The following FCRLB variants were observed in gnomAD, a reference collection of about 807,000 sequenced individuals.
FCRLB encodes the protein Fc receptor-like B.
FCRLB carries 34 observed loss-of-function variants against 33.6 expected under a neutral mutation model. The ratio of observed to expected loss-of-function variants is 1.01; its 90% CI spans 0.77 to 1.35. The LOEUF is 1.35. Ranked by LOEUF, FCRLB falls within the 40% of genes most tolerant of loss-of-function variation. The pLI is 0.00. For synonymous variants in FCRLB, 280 were observed against 255.9 expected, an observed-to-expected ratio of 1.09 and a Z score of -0.90; for missense variants, 560 against 580.2, an observed-to-expected ratio of 0.97 and a Z score of 0.36.
chr1:161,727,077 C>A, intron 7 of FCRLB, 84 bp downstream of exon 7: 1 of 1,350,716 alleles, frequency 7.4e-7, no homozygotes, highest in Non-Finnish European at 9.5e-7. Context: ...TCACCCCCGC[C>A]CCCTGGTTCC....
Position 161,726,191 on chromosome 1 carries a change from A to AC in FCRLB, c.574+105dup. The AC allele has an allele frequency of 6.4e-7, 1 of 1,566,992 alleles. No individual in the cohort carries two copies. The highest frequency in any genetic ancestry group is 8.7e-7 in the Non-Finnish European group (1 of 1,146,782). ...AGGGGCGGAAGTTCAAATAGCTGCCACTTGGAGGGTTTCTCTTAGACTATG... is the reference window on the plus strand; with the variant it reads ...AGGGGCGGAAGTTCAAATAGCTGCCACCTTGGAGGGTTTCTCTTAGACTATG... On this transcript the variant is annotated intron_variant, in intron 6 of 7. Transcript: ENST00000367948. The surrounding 1 kb of genome is among the most constrained non-coding windows in gnomAD (Gnocchi z 5.2).
chr1:161,723,413 C>G, exon 5 of FCRLB: 1 of 1,614,232 alleles, frequency 6.2e-7, no homozygotes, highest in South Asian at 1.1e-5. Flanking sequence ...CTTGGACCAC[C>G]ATCTTCAAAG....
chr1:161,727,988 T>C (rs188645495), exon 8 of FCRLB: 5 of 246,884 alleles, frequency 2.0e-5, no homozygotes, highest in Non-Finnish European at 3.9e-5. Context: ...GGCAGTTTTT[T>C]TGGTATTTAA....
chr1:161,727,078 C>A, intron 7 of FCRLB, 85 bp downstream of exon 7: 1 of 1,352,060 alleles, frequency 7.4e-7, no homozygotes, highest in South Asian at 1.7e-5. Context: ...CACCCCCGCC[C>A]CCTGGTTCCC....
At chr1:161,727,222 G>T in intron 7 of FCRLB, 25 bp from the exon 8 acceptor site, 5 of 1,505,276 alleles carry the variant, frequency 3.3e-6, no homozygotes, top group Non-Finnish European at 4.5e-6. Context: ...CAAGCCGCGC[G>T]TGACTGGGCG....
chr1:161,727,167 A>AC, intron 7 of FCRLB, 80 bp from the exon 8 acceptor site: 2 of 603,002 alleles, frequency 3.3e-6, no homozygotes, highest in Non-Finnish European at 2.2e-6. Context: ...ATCCCCGCCC[A>AC]CCGCCCTACG....
intron 7 of FCRLB, 94 bp from the exon 8 acceptor site, chr1:161,727,153 C>T: frequency 7.7e-7 from 1 of 1,301,638 alleles, no homozygotes; most frequent in South Asian, 1.5e-5. Context: ...TTCCGGCCTT[C>T]CCCATCCCCG....
At chr1:161,722,557 A>C (rs1007456817) in intron 2 of FCRLB, 96 bp from the exon 3 acceptor site, 1 of 1,168,492 alleles carries the variant, frequency 8.6e-7, no homozygotes, top group African/African-American at 1.5e-5. Context: ...TGGGTGGGAG[A>C]AGCAGCAATG....
chr1:161,723,298 C>A, intron 4 of FCRLB, 69 bp from the exon 5 acceptor site: 1 of 1,565,614 alleles, frequency 6.4e-7, no homozygotes, highest in South Asian at 1.2e-5. Flanking sequence ...AAACTCAGGT[C>A]GTTTCTTTGG....
chr1:161,727,564 C>A, exon 8 of FCRLB: 2 of 1,614,208 alleles, frequency 1.2e-6, no homozygotes, highest in Non-Finnish European at 1.7e-6. Context: ...ATTAAAGGAG[C>A]CACAGGCCCT....
At chr1:161,722,512 A>G (rs933128749) in intron 2 of FCRLB, 141 bp from the exon 3 acceptor site, 12 of 769,380 alleles carry the variant, frequency 1.6e-5, no homozygotes, top group Non-Finnish European at 2.6e-5. Context: ...CCTGTCTCCC[A>G]CTGGTTCTGG....
chr1:161,723,664 T>C (rs1683449463), intron 5 of FCRLB, 43 bp downstream of exon 5: 1 of 1,592,180 alleles, frequency 6.3e-7, no homozygotes, highest in East Asian at 2.2e-5. Context: ...ACGTGTCTCC[T>C]CTGGCAATAC....
intron 2 of FCRLB, 44 bp from the exon 3 acceptor site, chr1:161,722,609 C>G (rs1683405618): frequency 2.5e-6 from 4 of 1,596,196 alleles, no homozygotes. Flanking sequence ...CATTCTTTCT[C>G]TCTGTTCCCC....
exon 6 of FCRLB, chr1:161,725,881 G>A (rs1416092207): frequency 6.2e-7 from 1 of 1,614,182 alleles, no homozygotes; most frequent in Non-Finnish European, 8.5e-7. Context: ...CTAGTCCTGC[G>A]CTGCCGCGGC....
chr1:161,723,318 C>A, intron 4 of FCRLB, 49 bp from the exon 5 acceptor site: 1 of 1,597,404 alleles, frequency 6.3e-7, no homozygotes, highest in Non-Finnish European at 8.5e-7. Context: ...GGCACCTCAC[C>A]TTGATTCTCT....
chr1:161,727,532 T>C (rs1458821448), exon 8 of FCRLB: 1 of 1,613,984 alleles, frequency 6.2e-7, no homozygotes. Context: ...CTCAAAGGCC[T>C]TCTGAGCCGG....
intron 5 of FCRLB, among the ~76,000 whole-genome samples, chr1:161,724,007 C>T (rs548832074): frequency 6.6e-6 from 1 of 152,286 alleles, no homozygotes; most frequent in African/African-American, 2.4e-5. Context: ...GCAGTCTGAG[C>T]ATAGATCAAG....
chr1:161,725,186 AT>A (rs1436701463), intron 5 of FCRLB, among the ~76,000 whole-genome samples: 1 of 152,148 alleles, frequency 6.6e-6, no homozygotes, highest in East Asian at 1.9e-4. Context: ...GTTGATTCTC[AT>A]GGTCAAAACC....
chr1:161,722,866 C>T, intron 3 of FCRLB, 123 bp from the exon 4 acceptor site: 1 of 1,503,710 alleles, frequency 6.7e-7, no homozygotes, highest in Non-Finnish European at 9.1e-7. Context: ...GCTTGGGAAA[C>T]CAGGGGCAGA....
Sources: allele counts gnomAD v4.1 joint callset (sites outside exome capture counted in the v4.1 genomes callset), GRCh38; gene constraint gnomAD v4.1.1; non-coding constraint Gnocchi (gnomAD v3.1); transcripts MANE v1.5; gene names NCBI Gene and HGNC (gene_info 2026-07-23, HGNC 2026-07-21).